The following MRPL1 variants were observed in gnomAD, a reference collection of about 807,000 sequenced individuals.
MRPL1 encodes mitochondrial ribosomal protein L1, also known as large ribosomal subunit protein uL1m.
Under a neutral mutation model 38.0 loss-of-function variants are expected in MRPL1, and 28 were observed. That is an observed-to-expected ratio of 0.74 (90% CI 0.55 to 1.01). The LOEUF is 1.01. Among genes scored for constraint, MRPL1 ranks in the 50% least tolerant of loss-of-function variants. MRPL1 has a pLI of 0.00. For missense variants in MRPL1, 358 were observed against 389.8 expected (o/e 0.92, Z 0.69); for synonymous variants, 123 against 126.7 (o/e 0.97, Z 0.20).
chr4:77,926,401 C>A (rs1200726568), intron 7 of MRPL1, among the ~76,000 whole-genome samples: 1 of 152,126 alleles, frequency 6.6e-6, no homozygotes, highest in East Asian at 1.9e-4. Flanking sequence ...ACCCTCTAGG[C>A]AGGAGATAAG....
intron 7 of MRPL1, among the ~76,000 whole-genome samples, chr4:77,925,236 G>C (rs1168106787): frequency 6.6e-6 from 1 of 151,866 alleles, no homozygotes; most frequent in African/African-American, 2.4e-5. Flanking sequence ...GAAAAATAAT[G>C]AAATATATAT....
intron 5 of MRPL1, among the ~76,000 whole-genome samples, 162 bp downstream of exon 5, chr4:77,887,453 A>G (rs1312266350): frequency 6.6e-6 from 1 of 152,206 alleles, no homozygotes; most frequent in Non-Finnish European, 1.5e-5. Flanking sequence ...TTCAGTTTCA[A>G]AATCAAGCTA....
intron 3 of MRPL1, among the ~76,000 whole-genome samples, chr4:77,884,318 A>G (rs570427735): frequency 2.6e-5 from 4 of 152,274 alleles, no homozygotes; most frequent in South Asian, 2.1e-4. Context: ...TCTACTCAAA[A>G]TAAGGTTTTT....
At chr4:77,871,298 T>TATC (rs1033512629) in intron 1 of MRPL1, among the ~76,000 whole-genome samples, 68 of 148,540 alleles carry the variant, frequency 4.6e-4, no homozygotes, top group African/African-American at 1.4e-3. Context: ...CTGTGGTTTC[T>TATC]ATTATTACAC....
intron 6 of MRPL1, among the ~76,000 whole-genome samples, chr4:77,897,324 G>T (rs1324995226): frequency 6.6e-6 from 1 of 152,048 alleles, no homozygotes; most frequent in Non-Finnish European, 1.5e-5. Flanking sequence ...AAAGTGCTTG[G>T]CCTCCCAAAG....
intron 2 of MRPL1, among the ~76,000 whole-genome samples, chr4:77,877,227 T>A (rs1735418349): frequency 1.3e-5 from 2 of 152,192 alleles, no homozygotes; most frequent in South Asian, 4.1e-4. Context: ...CTTGCTTATG[T>A]CAGATATCTG....
At chr4:77,912,619 T>G (rs1055391735) in intron 7 of MRPL1, among the ~76,000 whole-genome samples, 1 of 152,126 alleles carries the variant, frequency 6.6e-6, no homozygotes, top group Non-Finnish European at 1.5e-5. Context: ...TTGTTAAAAA[T>G]ATCAATTTTC....
At chr4:77,907,500 GTC>G (rs34172391) in intron 6 of MRPL1, among the ~76,000 whole-genome samples, 73,468 of 129,184 alleles carry the variant, frequency 0.57, 19,822 homozygotes, top group Admixed American at 0.62. Context: ...CCCTCCCTCC[GTC>G]TCTCTCTCTC....
intron 5 of MRPL1, among the ~76,000 whole-genome samples, chr4:77,889,909 A>G (rs1240696965): frequency 1.3e-5 from 2 of 152,138 alleles, no homozygotes; most frequent in Non-Finnish European, 2.9e-5. Flanking sequence ...GGACATATAC[A>G]CCCTCCCAAG....
chr4:77,883,250 A>G lies in MRPL1; in HGVS notation c.152A>G (p.Lys51Arg). The G allele has an allele frequency of 6.4e-7, 1 of 1,567,698 alleles. No individual in the cohort carries two copies. ...RHFAAATKSA[K>R]KTKKGAKEKT... ...CTTTATTTTCTTTTAAGGTCTGCAAAGAAAACAAAAAAAGGTGCTAAAGAA... is the reference window on the plus strand; with the variant it reads ...CTTTATTTTCTTTTAAGGTCTGCAAGGAAAACAAAAAAAGGTGCTAAAGAA... The change falls in exon 3 of 9, where the codon AAG becomes AGG. Residue 51 changes from lysine (K) to arginine (R), a missense_variant. Transcript: ENST00000315567.
At chr4:77,923,764 C>T (rs566047145) in intron 7 of MRPL1, among the ~76,000 whole-genome samples, 6 of 151,942 alleles carry the variant, frequency 3.9e-5, no homozygotes, top group African/African-American at 9.6e-5. Flanking sequence ...GGTGAAATCC[C>T]GTCTCTACCA....
At position 77,890,638 on chromosome 4, in the gene MRPL1, A is replaced by G. The variant is rs991581564; in HGVS notation, c.558+3347A>G. 9.9e-5 allele frequency among the ~76,000 whole-genome samples: 15 copies of G among 152,232 alleles called. 2 individuals carry two copies. Among genetic ancestry groups the G allele is most frequent in the Admixed American group, 1.3e-4 (2 of 15,278 alleles). On this transcript the variant is annotated intron_variant, in intron 5 of 8. Transcript: ENST00000315567. ...AGTGTTGGAAGTTCTGGCCAGGGCA[A>G]TCAGGCAAGAGAAAGAAATAAAGGA...
Position 77,883,362 on chromosome 4 carries a change from A to C in MRPL1, c.264A>C (p.Leu88Phe). 1 of 1,613,984 alleles carries C rather than the reference A, an allele frequency of 6.2e-7. No individual in the cohort carries two copies. Among genetic ancestry groups the C allele is most frequent in the Non-Finnish European group, 8.5e-7 (1 of 1,179,954 alleles). Residue 88 changes from leucine to phenylalanine, a missense_variant, in exon 3 of 9, where the codon TTA becomes TTC. Coordinates refer to ENST00000315567, the MANE Select transcript of MRPL1 (RefSeq NM_020236.4). Reference sequence around the variant, plus strand: ...GCGAACCTGAGGATGATGTCTATTTAAAACGCTTATACCCGAGACAGATAT... The same window carrying C: ...GCGAACCTGAGGATGATGTCTATTTCAAACGCTTATACCCGAGACAGATAT... ...MEGEPEDDVY[L>F]KRLYPRQIYE...
chr4:77,936,374 A>G (rs1206100694), intron 7 of MRPL1, among the ~76,000 whole-genome samples: 3 of 152,154 alleles, frequency 2.0e-5, no homozygotes, highest in Non-Finnish European at 2.9e-5. Flanking sequence ...CCAGAAGTCT[A>G]TCAGGATCCT....
intron 1 of MRPL1, among the ~76,000 whole-genome samples, chr4:77,869,188 C>A (rs570777047): frequency 3.3e-5 from 5 of 152,230 alleles, no homozygotes; most frequent in Non-Finnish European, 7.4e-5. Context: ...CAAGGGAACT[C>A]TAACCTTTCA....
intron 2 of MRPL1, among the ~76,000 whole-genome samples, chr4:77,873,611 A>G (rs1267099713): frequency 6.6e-6 from 1 of 152,228 alleles, no homozygotes; most frequent in Non-Finnish European, 1.5e-5. Flanking sequence ...ACTGTGCCTC[A>G]GTTGCCTCTT....
chr4:77,865,201 A>G (rs1560456962), intron 1 of MRPL1, among the ~76,000 whole-genome samples: 1 of 152,030 alleles, frequency 6.6e-6, no homozygotes, highest in Non-Finnish European at 1.5e-5. Flanking sequence ...ATTATTGTCT[A>G]TACCTTAATG....
intron 4 of MRPL1, among the ~76,000 whole-genome samples, chr4:77,886,013 G>T (rs966007297): frequency 1.1e-4 from 16 of 152,116 alleles, no homozygotes; most frequent in Non-Finnish European, 1.9e-4. Context: ...TAGTACTGTG[G>T]TGCCTTAGAA....
At chr4:77,872,477 A>C (rs1226726360) in intron 2 of MRPL1, among the ~76,000 whole-genome samples, 2 of 152,252 alleles carry the variant, frequency 1.3e-5, no homozygotes, top group South Asian at 2.1e-4. Flanking sequence ...TACATCTATA[A>C]TCCCAGCACT....
Sources: gnomAD v4.1 joint callset for allele counts (sites outside exome capture counted in the v4.1 genomes callset) on GRCh38, gnomAD v4.1.1 for gene constraint, MANE v1.5 for transcripts, NCBI Gene and HGNC (gene_info 2026-07-23, HGNC 2026-07-21) for gene names.